PSEN2: variants seen among roughly 807,000 people sequenced by gnomAD.
The protein encoded by PSEN2 is presenilin-2.
PSEN2 carries 32 observed loss-of-function variants against 49.1 expected under a neutral mutation model. The ratio of observed to expected loss-of-function variants is 0.65; its 90% CI spans 0.49 to 0.88. The LOEUF is 0.88. Among genes scored for constraint, PSEN2 ranks in the 40% least tolerant of loss-of-function variants. The probability of loss-of-function intolerance (pLI) is 0.00; values close to 1 mark genes in which losing one functional copy is unlikely to be tolerated. For synonymous variants in PSEN2, 255 were observed against 244.0 expected (o/e 1.05, Z -0.42); for missense variants, 522 against 586.9 (o/e 0.89, Z 1.14).
chr1:226,900,761 G>C (rs1662291215), downstream of PSEN2, among the ~76,000 whole-genome samples: 1 of 152,174 alleles, frequency 6.6e-6, no homozygotes. Flanking sequence ...AATATAAGCA[G>C]AAGTGCTGTG....
In PSEN2 at chr1:226,889,003, C is replaced by T; in HGVS notation, c.741C>T (p.Leu247=). ...ALMALVFIKY[L]PEWSAWVILG... ...TGGCCCTAGTGTTCATCAAGTACCT[C>T]CCAGAGTGGTCCGCGTGGGTCATCC... is the stretch of plus-strand genomic sequence containing the variant. The change falls in exon 8 of 13, where the codon CTC becomes CTT. Residue 247 remains leucine, a synonymous_variant. Coordinates refer to ENST00000366783, the MANE Select transcript of PSEN2 (RefSeq NM_000447.3). The T allele has an allele frequency of 6.2e-7, 1 of 1,614,158 alleles. No individual in the cohort carries two copies.
chr1:226,893,328 G>A (rs1406212015), intron 11 of PSEN2, among the ~76,000 whole-genome samples: 2 of 152,236 alleles, frequency 1.3e-5, no homozygotes, highest in Non-Finnish European at 2.9e-5. Context: ...GGGGGAAGGA[G>A]GACAGCTGGG....
intron 2 of PSEN2, among the ~76,000 whole-genome samples, chr1:226,874,938 C>T (rs759900787): frequency 6.6e-5 from 10 of 152,298 alleles, no homozygotes; most frequent in Admixed American, 4.6e-4. Flanking sequence ...GAGCCTACTC[C>T]AGAGGGGCGT....
chr1:226,884,300 C>A (rs12747261), intron 5 of PSEN2, among the ~76,000 whole-genome samples: 1 of 152,074 alleles, frequency 6.6e-6, no homozygotes, highest in African/African-American at 2.4e-5. Flanking sequence ...CCACTGATCC[C>A]TGTGTGACTG....
chr1:226,899,979 T>A (rs1427220315), downstream of PSEN2, among the ~76,000 whole-genome samples: 1 of 152,238 alleles, frequency 6.6e-6, no homozygotes. Context: ...GGGAAATGTC[T>A]TTATTTCAAG....
intron 12 of PSEN2, among the ~76,000 whole-genome samples, chr1:226,894,440 C>T (rs1558154764): frequency 6.6e-6 from 1 of 152,224 alleles, no homozygotes; most frequent in Admixed American, 6.5e-5. Context: ...ATGATACCCT[C>T]GAGGTGGTTG....
In PSEN2 at chr1:226,890,104, A is replaced by G; in HGVS notation, c.857A>G (p.Glu286Gly). The G allele has an allele frequency of 6.2e-7, 1 of 1,614,006 alleles. No homozygotes were observed. Among genetic ancestry groups the G allele is most frequent in the South Asian group, 1.1e-5 (1 of 91,078 alleles). Residue 286 changes from glutamate to glycine, a missense_variant, in exon 9 of 13, where the codon GAG (glutamate) becomes GGG (glycine). By Grantham distance (98) the Glu-to-Gly change is moderately conservative. Transcript: ENST00000366783. Reference protein sequence around the residue: ...MLVETAQERNEPIFPALIYSS... With the variant: ...MLVETAQERNGPIFPALIYSS... ...GTAGAAACTGCCCAGGAGAGAAATG[A>G]GCCCATATTCCCTGCCCTGATATAC...
chr1:226,891,154 A>C, intron 9 of PSEN2, 124 bp from the exon 10 acceptor site: 1 of 772,964 alleles, frequency 1.3e-6, no homozygotes, highest in Non-Finnish European at 2.3e-6. Context: ...GAGCATGAGC[A>C]GATACCTGCA....
intron 3 of PSEN2, among the ~76,000 whole-genome samples, chr1:226,875,914 G>A (rs1660598989): frequency 6.6e-6 from 1 of 152,198 alleles, no homozygotes; most frequent in African/African-American, 2.4e-5. Context: ...CTAATCCAAA[G>A]CAGCTATCAG....
chr1:226,875,033 AG>A (rs1338354337), intron 2 of PSEN2, among the ~76,000 whole-genome samples: 1 of 152,150 alleles, frequency 6.6e-6, no homozygotes, highest in Non-Finnish European at 1.5e-5. Flanking sequence ...CCTGGGCCCC[AG>A]GCACTTCTGA....
At chr1:226,901,912 C>A (rs1662331441) in intron 12 of PSEN2, among the ~76,000 whole-genome samples, 1 of 152,162 alleles carries the variant, frequency 6.6e-6, no homozygotes, top group Admixed American at 6.5e-5. Context: ...CACCTCAGGG[C>A]AGGAGATGTA....
At chr1:226,899,833 A>G (rs1662255504), downstream of PSEN2, among the ~76,000 whole-genome samples, 1 of 152,154 alleles carries the variant, frequency 6.6e-6, no homozygotes, top group South Asian at 2.1e-4. Context: ...GTCACACTCC[A>G]TCCAGCATGA....
At chr1:226,876,981 C>G (rs1010913887) in intron 3 of PSEN2, among the ~76,000 whole-genome samples, 7 of 152,166 alleles carry the variant, frequency 4.6e-5, no homozygotes, top group African/African-American at 1.7e-4. Flanking sequence ...GATTTTTCCA[C>G]TCCTCCTCCT....
At chr1:226,888,510 G>C (rs1025419121) in intron 7 of PSEN2, among the ~76,000 whole-genome samples, 3 of 152,182 alleles carry the variant, frequency 2.0e-5, no homozygotes, top group African/African-American at 7.2e-5. Context: ...AAAATTATCT[G>C]TTCTATCGCC....
rs796648479 is a variant in PSEN2, at chr1:226,892,409, T to C, written c.1072+565T>C. ...TGTGGGAGAGCCTTGCAAACAGGCC[T>C]GGAGACATGCGAAGATAGGAGTTCA... On this transcript the variant is annotated intron_variant, in intron 11 of 12. Transcript: ENST00000366783. Among the ~76,000 whole-genome samples, 38 of 152,246 alleles carry C rather than the reference T, an allele frequency of 2.5e-4. 1 individual carries two copies. Among genetic ancestry groups the C allele is most frequent in the African/African-American group, 7.9e-4 (33 of 41,546 alleles).
In PSEN2 at chr1:226,880,545, A is replaced by AGACAGCGATCACTCAGCCTGTG. The variant is rs1660911064; in HGVS notation, c.-20-1324_-20-1323insGTGGACAGCGATCACTCAGCCT. The AGACAGCGATCACTCAGCCTGTG allele has an allele frequency of 2.1e-5, 23 of 1,099,050 alleles. 2 individuals are homozygous for AGACAGCGATCACTCAGCCTGTG. In the South Asian group the frequency reaches 3.5e-4, roughly 17 times the overall value. 68.1% of individuals were successfully genotyped at this position (1,099,050 alleles called of 1,614,324 possible). Reference sequence around the variant, plus strand: ...GACAGCGATCACTCAGCCTCTGGACAGACAGCGATCACTCAGCCTCTGGAC... The same window carrying AGACAGCGATCACTCAGCCTGTG: ...GACAGCGATCACTCAGCCTCTGGACAGACAGCGATCACTCAGCCTGTGGACAGCGATCACTCAGCCTCTGGAC... On this transcript the variant is annotated intron_variant, in intron 3 of 12. Transcript: ENST00000366783.
intron 3 of PSEN2, among the ~76,000 whole-genome samples, chr1:226,879,466 G>A (rs1660840713): frequency 6.6e-6 from 1 of 152,142 alleles, no homozygotes; most frequent in Non-Finnish European, 1.5e-5. Flanking sequence ...GCTCTCCTCT[G>A]CTGCATTAAG....
chr1:226,875,160 C>CT (rs1233699596), intron 2 of PSEN2, among the ~76,000 whole-genome samples: 3 of 152,132 alleles, frequency 2.0e-5, no homozygotes, highest in African/African-American at 7.2e-5. Context: ...CCTCACTTCC[C>CT]TTTGAGACTC....
At chr1:226,893,491 C>T (rs2855561) in intron 11 of PSEN2, among the ~76,000 whole-genome samples, 142,370 of 152,322 alleles carry the variant, frequency 0.93, 66,654 homozygotes, top group East Asian at 1. Flanking sequence ...AGAAAACAAA[C>T]GAGAGCATTT....
Sources: gnomAD v4.1 joint callset for allele counts (sites outside exome capture counted in the v4.1 genomes callset) on GRCh38, gnomAD v4.1.1 for gene constraint, MANE v1.5 for transcripts, NCBI Gene and HGNC (gene_info 2026-07-23, HGNC 2026-07-21) for gene names.